The following ELOC variants were observed in gnomAD, a reference collection of about 807,000 sequenced individuals.
ELOC encodes elongin-C.
For synonymous variants in ELOC, 40 were observed against 51.3 expected (o/e 0.78, Z 0.94); for missense variants, 38 against 139.0 (o/e 0.27, Z 3.65).
At chr8:73,965,036 C>CAAAAAAAAAAAAA (rs61081733) in intron 1 of ELOC, among the ~76,000 whole-genome samples, 2 of 81,444 alleles carry the variant, frequency 2.5e-5, no homozygotes, top group African/African-American at 4.7e-5. Context: ...AAAAACAAAC[C>CAAAAAAAAAAAAA]AAAAAAAAAA....
At chr8:73,967,468 C>CTTT (rs201615321) in intron 1 of ELOC, among the ~76,000 whole-genome samples, 12 of 135,860 alleles carry the variant, frequency 8.8e-5, no homozygotes, top group African/African-American at 2.7e-4. Context: ...ATTTTCTTTT[C>CTTT]TTTTTTTTTT....
intron 1 of ELOC, among the ~76,000 whole-genome samples, chr8:73,963,163 T>C (rs750024732): frequency 6.6e-6 from 1 of 152,210 alleles, no homozygotes; most frequent in Admixed American, 6.5e-5. Flanking sequence ...AGTTTTTTTG[T>C]GTATGTTTGT....
At chr8:73,961,806 A>C (rs1413617720) in intron 1 of ELOC, among the ~76,000 whole-genome samples, 1 of 151,922 alleles carries the variant, frequency 6.6e-6, no homozygotes, top group Non-Finnish European at 1.5e-5. Flanking sequence ...TAAAGCAGAG[A>C]AAATAGGCAG....
intron 1 of ELOC, among the ~76,000 whole-genome samples, chr8:73,970,847 T>C (rs368488533): frequency 0.011 from 1,636 of 143,874 alleles, 21 homozygotes; most frequent in Middle Eastern, 0.035. Flanking sequence ...AAACCCCATC[T>C]CTACTAAAAA....
rs2131049564 is a variant in ELOC at position 73,946,203 on chromosome 8, C to T, written c.*427G>A. 6.5e-6 allele frequency: 1 copy of T among 153,840 alleles called. No homozygotes were observed. The highest frequency in any genetic ancestry group is 2.0e-4 in the South Asian group (1 of 4,902). 9.5% of individuals were successfully genotyped at this position (153,840 alleles called of 1,614,324 possible). A position where few individuals can be genotyped will look rare whatever the true frequency, so the allele number is the denominator to read the frequency against. On this transcript the variant is annotated 3_prime_UTR_variant, in exon 4 of 4. Coordinates refer to ENST00000520242, the MANE Select transcript of ELOC (RefSeq NM_005648.4). ...CTAAGTTATAAACATGTTTATAATG[C>T]AATTATTTGCATAACTCTAGTAATG...
At chr8:73,957,402 T>G (rs1194276373) in intron 2 of ELOC, among the ~76,000 whole-genome samples, 1 of 152,160 alleles carries the variant, frequency 6.6e-6, no homozygotes, top group Non-Finnish European at 1.5e-5. Flanking sequence ...TCTCCTTAAT[T>G]TTTACAATTT....
At chr8:73,951,661 C>A (rs966184357) in intron 3 of ELOC, among the ~76,000 whole-genome samples, 1 of 151,634 alleles carries the variant, frequency 6.6e-6, no homozygotes, top group African/African-American at 2.4e-5. Context: ...ACAACAACAA[C>A]AACAACAACA....
intron 1 of ELOC, among the ~76,000 whole-genome samples, chr8:73,970,271 C>T (rs1815263498): frequency 6.6e-6 from 1 of 152,076 alleles, no homozygotes; most frequent in Admixed American, 6.5e-5. Flanking sequence ...AGCATAATAG[C>T]AAAGATTTCC....
intron 3 of ELOC, among the ~76,000 whole-genome samples, chr8:73,949,567 C>G (rs933795229): frequency 6.6e-6 from 1 of 152,188 alleles, no homozygotes; most frequent in Non-Finnish European, 1.5e-5. Context: ...TCTTCCCCAT[C>G]CCCCCAGCCT....
chr8:73,955,244 G>A (rs1180793064), intron 3 of ELOC, among the ~76,000 whole-genome samples: 2 of 152,088 alleles, frequency 1.3e-5, no homozygotes, highest in Non-Finnish European at 2.9e-5. Flanking sequence ...TGAGGCAGGC[G>A]GATCACCTGA....
chr8:73,953,924 G>C (rs1005139139), intron 3 of ELOC, among the ~76,000 whole-genome samples: 3 of 152,204 alleles, frequency 2.0e-5, no homozygotes, highest in Non-Finnish European at 4.4e-5. Flanking sequence ...TAGCCAAAAT[G>C]TGTCAACAAC....
intron 1 of ELOC, among the ~76,000 whole-genome samples, chr8:73,971,427 T>C (rs925390975): frequency 6.6e-6 from 1 of 151,966 alleles, no homozygotes; most frequent in Non-Finnish European, 1.5e-5. Context: ...AGAATTTCGG[T>C]TTTCTACACT....
chr8:73,960,935 G>A (rs1814544996), intron 1 of ELOC, among the ~76,000 whole-genome samples: 1 of 142,034 alleles, frequency 7.0e-6, no homozygotes, highest in African/African-American at 2.8e-5. Context: ...AACACAGTGA[G>A]ATCCTATCTC....
intron 1 of ELOC, among the ~76,000 whole-genome samples, chr8:73,967,420 A>G (rs1815063644): frequency 1.3e-5 from 2 of 151,842 alleles, no homozygotes; most frequent in South Asian, 4.2e-4. Context: ...GATCCAACAA[A>G]ACTTTATTTA....
At chr8:73,960,422 A>G (rs1814510968) in intron 1 of ELOC, among the ~76,000 whole-genome samples, 1 of 152,308 alleles carries the variant, frequency 6.6e-6, no homozygotes, top group South Asian at 2.1e-4. Context: ...TTAACCAGGT[A>G]ACTCATAATG....
intron 3 of ELOC, among the ~76,000 whole-genome samples, chr8:73,955,035 G>GAAAT (rs1814061735): frequency 1.6e-5 from 1 of 62,992 alleles, no homozygotes; most frequent in Non-Finnish European, 2.8e-5. Context: ...CTCCATCTCG[G>GAAAT]AAAAAAAAAA....
At chr8:73,949,087 TAGC>T (rs1161566856) in intron 3 of ELOC, among the ~76,000 whole-genome samples, 1 of 152,240 alleles carries the variant, frequency 6.6e-6, no homozygotes, top group African/African-American at 2.4e-5. Flanking sequence ...AATATTTTCT[TAGC>T]AGTCTAGTAC....
chr8:73,950,878 G>A (rs144607796), intron 3 of ELOC, among the ~76,000 whole-genome samples: 17 of 152,306 alleles, frequency 1.1e-4, no homozygotes, highest in Middle Eastern at 3.4e-3. Flanking sequence ...AAAAGAAAAG[G>A]TGCAGGGGAA....
chr8:73,953,065 G>A (rs781219976), intron 3 of ELOC, among the ~76,000 whole-genome samples: 2 of 152,158 alleles, frequency 1.3e-5, no homozygotes, highest in Admixed American at 1.3e-4. Context: ...AGCACTTTGC[G>A]AGGCCGAGGT....
Sources: gnomAD v4.1 joint callset for allele counts (sites outside exome capture counted in the v4.1 genomes callset) on GRCh38, gnomAD v4.1.1 for gene constraint, MANE v1.5 for transcripts, NCBI Gene and HGNC (gene_info 2026-07-23, HGNC 2026-07-21) for gene names.